The following MED1 variants were observed in gnomAD, a reference collection of about 807,000 sequenced individuals.
The protein encoded by MED1 is mediator of RNA polymerase II transcription subunit 1.
A neutral mutation model predicts 121.3 loss-of-function variants in MED1; 17 were observed. The observed-to-expected ratio is 0.14, with a 90% CI of 0.10 to 0.21. The LOEUF is 0.21. Ranked by LOEUF, MED1 falls within the 10% of genes least tolerant of loss-of-function variation. The probability of loss-of-function intolerance (pLI) is 1.00; values close to 1 mark genes in which losing one functional copy is unlikely to be tolerated. For missense variants in MED1, 1,558 were observed against 1,919.4 expected, an observed-to-expected ratio of 0.81 and a Z score of 3.52; for synonymous variants, 661 against 694.4, an observed-to-expected ratio of 0.95 and a Z score of 0.76.
chr17:39,450,083 G>C (rs1406517817), intron 1 of MED1, among the ~76,000 whole-genome samples: 1 of 151,746 alleles, frequency 6.6e-6, no homozygotes, highest in Non-Finnish European at 1.5e-5. Context: ...CAAAGTGCTG[G>C]GATTACACGC....
At position 39,447,867 on chromosome 17, in the gene MED1, T is replaced by C; in HGVS notation, c.63A>G (p.Glu21=). ...EKLSKMSSLL[E]RLHAKFNQNR... is the part of the protein sequence containing the mutation. The stretch of plus-strand genomic sequence containing the variant: ...TTTGGTTAAATTTTGCATGGAGCCG[T>C]TCCAGGAGAGAACTCATCTTACTCA... Residue 21 remains glutamate (E), a synonymous_variant, in exon 2 of 17, where the codon GAA becomes GAG. Transcript: ENST00000300651. 1 of 1,613,562 alleles carries C rather than the reference T, an allele frequency of 6.2e-7. No individual in the cohort carries two copies. Among genetic ancestry groups the C allele is most frequent in the South Asian group, 1.1e-5 (1 of 91,032 alleles).
intron 11 of MED1, 83 bp downstream of exon 11, chr17:39,424,544 G>T: frequency 1.2e-6 from 1 of 813,330 alleles, no homozygotes; most frequent in Non-Finnish European, 2.0e-6. Flanking sequence ...AATTCAAGTG[G>T]GGTAACAGCC....
rs142908940 is a variant in MED1, at chr17:39,420,859, G to C, written c.1096-941C>G. 1.6e-4 allele frequency among the ~76,000 whole-genome samples: 23 copies of C among 140,360 alleles called. No individual in the cohort carries two copies. The Admixed American group carries it at 1.7e-3, about 10-fold the overall frequency. The allele number at this position is 140,360 out of a possible 152,430, so 92.1% of individuals were successfully genotyped here. On this transcript the variant is annotated intron_variant, in intron 13 of 16. Transcript: ENST00000300651. ...AGCTCAGGCTGGAGTGCAGTGGCAC[G>C]ATCTCTGCTCGCTGCAAGCTCCACC... is the stretch of plus-strand genomic sequence containing the variant.
chr17:39,409,485 T>C lies in MED1; in HGVS notation c.2736A>G (p.Gly912=). Residue 912 remains glycine, a synonymous_variant, in exon 17 of 17, where the codon GGA becomes GGG. Transcript: ENST00000300651. ...TAAACTTGGTCTCCCCATTATCACC[T>C]CCAAGCATTGGCACCCCCAAAGTAT... ...ALNTLGVPML[G]GDNGETKFKG... 6.2e-7 allele frequency: 1 copy of C among 1,614,118 alleles called. No homozygotes were observed. Among genetic ancestry groups the C allele is most frequent in the Non-Finnish European group, 8.5e-7 (1 of 1,180,018 alleles).
intron 6 of MED1, among the ~76,000 whole-genome samples, chr17:39,437,663 A>G (rs1433438982): frequency 6.6e-6 from 1 of 152,092 alleles, no homozygotes; most frequent in Non-Finnish European, 1.5e-5. Flanking sequence ...GGCCGGGCAC[A>G]GTGGCTCATG....
intron 16 of MED1, among the ~76,000 whole-genome samples, chr17:39,414,504 T>C: frequency 6.6e-6 from 1 of 151,046 alleles, no homozygotes; most frequent in Admixed American, 6.6e-5. Flanking sequence ...CCGGGCTAAT[T>C]TTTTGTATTT....
At chr17:39,439,954 G>T (rs1453052506) in intron 5 of MED1, among the ~76,000 whole-genome samples, 1 of 123,722 alleles carries the variant, frequency 8.1e-6, no homozygotes, top group Non-Finnish European at 1.7e-5. Context: ...AAAAGAAAAA[G>T]AAGGAAAGAA....
At chr17:39,429,471 A>T (rs2048544490) in intron 9 of MED1, among the ~76,000 whole-genome samples, 1 of 151,996 alleles carries the variant, frequency 6.6e-6, no homozygotes, top group Non-Finnish European at 1.5e-5. Context: ...CGAGACAGGC[A>T]GCTCACCTAG....
At position 39,415,248 on chromosome 17, in the gene MED1, C is replaced by A; in HGVS notation, c.1389G>T (p.Val463=). 1 of 1,611,986 alleles carries A rather than the reference C, an allele frequency of 6.2e-7. No individual in the cohort carries two copies. Among genetic ancestry groups the A allele is most frequent in the Non-Finnish European group, 8.5e-7 (1 of 1,177,996 alleles). The change falls in exon 15 of 17, where the codon GTG becomes GTT. Residue 463 remains valine (V), a synonymous_variant. Transcript: ENST00000300651. ...TTAGCCACCCACACAACTCACCACACACCAGGGAGTCATTCACAGGGTGCT... is the reference window on the plus strand; with the variant it reads ...TTAGCCACCCACACAACTCACCACAAACCAGGGAGTCATTCACAGGGTGCT... The part of the protein sequence containing the change: ...SFQHPVNDSL[V]CVVMDVQDST...
rs1176764321 is a variant in MED1, at chr17:39,405,703, C to A, written c.*1772G>T. 1 of 994,628 alleles carries A rather than the reference C, an allele frequency of 1.0e-6. No individual in the cohort carries two copies. Among genetic ancestry groups the A allele is most frequent in the East Asian group, 1.0e-4 (1 of 9,546 alleles). 61.6% of individuals were successfully genotyped at this position (994,628 alleles called of 1,614,324 possible). On this transcript the variant is annotated 3_prime_UTR_variant, in exon 17 of 17. Transcript: ENST00000300651. Reference sequence around the variant, plus strand: ...ATGTTTTGTTTCCTACATCTTATTACCTTGGGACACAAAAGTGGCAGAGTT... The same window carrying A: ...ATGTTTTGTTTCCTACATCTTATTAACTTGGGACACAAAAGTGGCAGAGTT...
At chr17:39,420,640 A>C (rs182759081) in intron 13 of MED1, among the ~76,000 whole-genome samples, 5 of 151,918 alleles carry the variant, frequency 3.3e-5, no homozygotes, top group Non-Finnish European at 5.9e-5. Flanking sequence ...TATTATTATT[A>C]TTATTACTTT....
chr17:39,442,241 T>C (rs2048682389), intron 3 of MED1, among the ~76,000 whole-genome samples: 1 of 152,172 alleles, frequency 6.6e-6, no homozygotes, highest in East Asian at 1.9e-4. Context: ...TGACTTATAT[T>C]TTACATTTGC....
chr17:39,442,414 G>A (rs954968015), intron 3 of MED1, among the ~76,000 whole-genome samples: 15 of 151,506 alleles, frequency 9.9e-5, no homozygotes, highest in Admixed American at 2.6e-4. Context: ...TGGCTAACAC[G>A]GTGAAACCCC....
intron 2 of MED1, among the ~76,000 whole-genome samples, chr17:39,446,029 TAA>T (rs749371778): frequency 2.6e-4 from 29 of 113,294 alleles, no homozygotes; most frequent in Admixed American, 3.6e-4. Context: ...ATTCCATCTT[TAA>T]AAAAAAAAAA....
chr17:39,415,469 T>C (rs1163863723), intron 14 of MED1, 130 bp from the exon 15 acceptor site: 1 of 680,454 alleles, frequency 1.5e-6, no homozygotes, highest in Non-Finnish European at 2.4e-6. Context: ...AGGTCAGGAG[T>C]TCAAGACCAG....
chr17:39,429,299 CTA>C (rs1264117272), intron 9 of MED1, among the ~76,000 whole-genome samples: 5 of 152,130 alleles, frequency 3.3e-5, no homozygotes, highest in Admixed American at 3.3e-4. Flanking sequence ...CTGAAGTGAG[CTA>C]TGTTTCTGCC....
rs2048332204 is a variant in MED1 at position 39,409,215 on chromosome 17, A to G, written c.3006T>C (p.Asp1002=). Residue 1002 remains aspartate (D), a synonymous_variant, in exon 17 of 17, where the codon GAT becomes GAC. Transcript: ENST00000300651. The part of the protein sequence containing the change: ...PGKRSRTPSN[D]GKSKDKPPKR... The stretch of plus-strand genomic sequence containing the variant: ...TTGGAGGCTTATCTTTGCTTTTCCC[A>G]TCATTAGAAGGGGTCCGACTGCGCT... 1.2e-6 allele frequency: 2 copies of G among 1,613,954 alleles called. No homozygotes were observed. The highest frequency in any genetic ancestry group is 1.3e-5 in the African/African-American group (1 of 74,952).
intron 1 of MED1, among the ~76,000 whole-genome samples, chr17:39,450,827 C>G (rs898167598): frequency 2.0e-5 from 3 of 152,128 alleles, no homozygotes; most frequent in African/African-American, 7.2e-5. Context: ...AGCATGAAAT[C>G]TTCACAGAAG....
chr17:39,415,214 T>G (rs372798071), intron 15 of MED1, 30 bp downstream of exon 15: 74 of 1,606,762 alleles, frequency 4.6e-5, no homozygotes, highest in Middle Eastern at 1.6e-4. Flanking sequence ...AACCGCTCCA[T>G]GAGAGGTGTT....
Sources: allele counts gnomAD v4.1 joint callset (sites outside exome capture counted in the v4.1 genomes callset), GRCh38; gene constraint gnomAD v4.1.1; transcripts MANE v1.5; gene names NCBI Gene and HGNC (gene_info 2026-07-23, HGNC 2026-07-21).